Variants in ITPR1 observed in about 807,000 individuals in gnomAD.
ITPR1 encodes the protein inositol 1,4,5-trisphosphate receptor type 1, also known as inositol 1,4,5-trisphosphate-gated calcium channel ITPR1.
A neutral mutation model predicts 318.4 loss-of-function variants in ITPR1; 96 were observed. That is an observed-to-expected ratio of 0.30 (90% CI 0.26 to 0.36). The LOEUF (loss-of-function observed/expected upper bound fraction) is 0.36. Among genes scored for constraint, ITPR1 ranks in the 10% least tolerant of loss-of-function variants. The pLI is 1.00. For synonymous variants in ITPR1, 1,312 were observed against 1,289.9 expected (o/e 1.02, Z -0.37); for missense variants, 2,440 against 3,460.2 (o/e 0.71, Z 7.40).
chr3:4,722,847 G>A (rs1265728052), intron 40 of ITPR1, among the ~76,000 whole-genome samples: 3 of 152,288 alleles, frequency 2.0e-5, no homozygotes, highest in African/African-American at 7.2e-5. Flanking sequence ...TAGTTAGAAG[G>A]AATCCTAAAG....
At chr3:4,698,908 A>G (rs4685803) in intron 34 of ITPR1, among the ~76,000 whole-genome samples, 59,009 of 152,170 alleles carry the variant, frequency 0.39, 14,222 homozygotes, top group Non-Finnish European at 0.56. Flanking sequence ...TATTCTAGGC[A>G]GCAGAATTAA....
chr3:4,729,926 C>CTTT (rs35734322), intron 42 of ITPR1, among the ~76,000 whole-genome samples: 5 of 144,098 alleles, frequency 3.5e-5, no homozygotes, highest in African/African-American at 1.3e-4. Flanking sequence ...TTTTAGAAGT[C>CTTT]TTTTTTTTTT....
intron 10 of ITPR1, among the ~76,000 whole-genome samples, chr3:4,649,168 G>C (rs1212689338): frequency 6.6e-6 from 1 of 152,166 alleles, no homozygotes; most frequent in Non-Finnish European, 1.5e-5. Flanking sequence ...AGAAAATCAA[G>C]AAAACAAGGG....
intron 60 of ITPR1, chr3:4,831,368 C>T: frequency 3.9e-6 from 1 of 253,892 alleles, no homozygotes; most frequent in South Asian, 4.6e-5. Context: ...AGAGGAAGCA[C>T]TTGCTGTGAC....
chr3:4,644,787 GC>G (rs2093418228), intron 8 of ITPR1, among the ~76,000 whole-genome samples: 1 of 152,156 alleles, frequency 6.6e-6, no homozygotes, highest in Non-Finnish European at 1.5e-5. Flanking sequence ...CATCCTGTCT[GC>G]CTTTCCAAGC....
chr3:4,499,617 G>T (rs1298746433), intron 2 of ITPR1, among the ~76,000 whole-genome samples: 1 of 152,292 alleles, frequency 6.6e-6, no homozygotes, highest in Non-Finnish European at 1.5e-5. Flanking sequence ...ACTAATCTCT[G>T]TATTTCCTCT....
At position 4,691,209 on chromosome 3, in the gene ITPR1, CGA is replaced by C. The variant is rs2094474399; in HGVS notation, c.3900_3901del (p.Arg1300SerfsTer34). On this transcript the variant is annotated frameshift_variant, in exon 32 of 62. Coordinates refer to ENST00000649015, the MANE Select transcript of ITPR1 (RefSeq NM_001378452.1). LOFTEE classifies it high-confidence loss of function. ...ATTTCCAGCTTTGCAGTGAGATCAA[CGA>C]GAGAGTTGTTCAGCACTTCGTTCAC... Reference protein sequence around the residue: ...NNFQLCSEINERVVQHFVHCI... With the variant: ...NNFQLCSEINXRVVQHFVHCI... 6.2e-7 allele frequency: 1 copy of C among 1,613,010 alleles called. No individual in the cohort carries two copies. The highest frequency in any genetic ancestry group is 1.7e-5 in the Admixed American group (1 of 59,958).
chr3:4,611,224 A>C (rs974201743), intron 4 of ITPR1, among the ~76,000 whole-genome samples: 3 of 128,574 alleles, frequency 2.3e-5, no homozygotes. Context: ...TCAAAACCTC[A>C]TCTCTACAAA....
intron 3 of ITPR1, among the ~76,000 whole-genome samples, chr3:4,517,446 C>T (rs2082251726): frequency 6.6e-6 from 1 of 152,154 alleles, no homozygotes; most frequent in African/African-American, 2.4e-5. Context: ...TTACAGCAGC[C>T]AGACCTTCCT....
At chr3:4,837,081 C>A in intron 61 of ITPR1, 146 bp downstream of exon 61, 1 of 557,044 alleles carries the variant, frequency 1.8e-6, no homozygotes, top group Non-Finnish European at 2.9e-6. Flanking sequence ...AACCCACTCA[C>A]TCCTCCAGTC....
chr3:4,719,504 C>T (rs190578539), intron 40 of ITPR1, among the ~76,000 whole-genome samples: 1 of 152,348 alleles, frequency 6.6e-6, no homozygotes, highest in East Asian at 1.9e-4. Context: ...AGAATTCGTG[C>T]TGGCCCGGGA....
At chr3:4,805,933 T>C (rs891234468) in intron 54 of ITPR1, among the ~76,000 whole-genome samples, 170 bp from the exon 55 acceptor site, 3 of 152,232 alleles carry the variant, frequency 2.0e-5, no homozygotes, top group African/African-American at 7.2e-5. Flanking sequence ...AGTAATGAAA[T>C]GACTTAGATC....
intron 60 of ITPR1, among the ~76,000 whole-genome samples, chr3:4,821,034 G>A (rs1224523187): frequency 2.6e-5 from 4 of 152,234 alleles, no homozygotes; most frequent in Non-Finnish European, 5.9e-5. Context: ...CACTGAGCGG[G>A]GGCATCCTAC....
chr3:4,673,835 G>A (rs533362856), intron 21 of ITPR1, among the ~76,000 whole-genome samples: 1 of 152,272 alleles, frequency 6.6e-6, no homozygotes, highest in East Asian at 1.9e-4. Context: ...GTCCACCTCG[G>A]CCTCCCAAAG....
intron 4 of ITPR1, among the ~76,000 whole-genome samples, chr3:4,592,576 A>G (rs1302076636): frequency 1.3e-5 from 2 of 152,052 alleles, no homozygotes; most frequent in Non-Finnish European, 1.5e-5. Context: ...TGATGCTGTC[A>G]TGTCTCCAGG....
intron 5 of ITPR1, among the ~76,000 whole-genome samples, chr3:4,629,757 G>A (rs773962479): frequency 6.6e-6 from 1 of 152,238 alleles, no homozygotes; most frequent in South Asian, 2.1e-4. Context: ...CATAGGAAGG[G>A]TGCCAAATCG....
intron 41 of ITPR1, 82 bp from the exon 42 acceptor site, chr3:4,727,044 T>A: frequency 8.8e-7 from 1 of 1,132,700 alleles, no homozygotes; most frequent in Non-Finnish European, 1.3e-6. Context: ...GAACTCTCAA[T>A]GTATTTTATA....
At chr3:4,759,723 C>T (rs754342722) in intron 44 of ITPR1, among the ~76,000 whole-genome samples, 36 of 152,260 alleles carry the variant, frequency 2.4e-4, no homozygotes, top group South Asian at 2.1e-3. Context: ...GTTTTGGGAC[C>T]GGAGAGGAGC....
chr3:4,793,980 T>C (rs2047733992), intron 52 of ITPR1, among the ~76,000 whole-genome samples: 1 of 152,214 alleles, frequency 6.6e-6, no homozygotes, highest in Admixed American at 6.5e-5. Flanking sequence ...ATAAGGCCGT[T>C]GGATTTGTCA....
Sources: gnomAD v4.1 joint callset for allele counts (sites outside exome capture counted in the v4.1 genomes callset) on GRCh38, gnomAD v4.1.1 for gene constraint, MANE v1.5 for transcripts, NCBI Gene and HGNC (gene_info 2026-07-23, HGNC 2026-07-21) for gene names.